Variants in XXYLT1 observed in about 807,000 individuals in gnomAD.
XXYLT1 encodes xyloside xylosyltransferase 1, also known as UDP-xylose:alpha-xyloside alpha-1,3-xylosyltransferase.
A neutral mutation model predicts 28.9 loss-of-function variants in XXYLT1; 20 were observed. That is an observed-to-expected ratio of 0.69 (90% CI 0.49 to 1.00). The LOEUF (loss-of-function observed/expected upper bound fraction) is 1.00. XXYLT1 is among the 50% of genes least tolerant of loss of function. The probability of loss-of-function intolerance (pLI) is 0.00; values close to 1 mark genes in which losing one functional copy is unlikely to be tolerated. For missense variants in XXYLT1, 542 were observed against 560.1 expected, an observed-to-expected ratio of 0.97 and a Z score of 0.33; for synonymous variants, 257 against 253.8, an observed-to-expected ratio of 1.01 and a Z score of -0.12.
At chr3:195,261,348 C>T (rs796975688) in intron 1 of XXYLT1, among the ~76,000 whole-genome samples, 10 of 152,290 alleles carry the variant, frequency 6.6e-5, no homozygotes, top group African/African-American at 2.4e-4. Context: ...GCAGGAGAAT[C>T]GCTTGAACCC....
chr3:195,136,250 G>A (rs62290351), intron 3 of XXYLT1, among the ~76,000 whole-genome samples: 29,027 of 152,068 alleles, frequency 0.19, 3,234 homozygotes, highest in East Asian at 0.41. Flanking sequence ...AAACGCCAAC[G>A]TAGGACCCTC....
At chr3:195,213,221 T>C (rs1175768359) in intron 2 of XXYLT1, among the ~76,000 whole-genome samples, 2 of 151,854 alleles carry the variant, frequency 1.3e-5, no homozygotes, top group Admixed American at 6.6e-5. Flanking sequence ...GCTACACAAG[T>C]GTTATTTATT....
intron 3 of XXYLT1, among the ~76,000 whole-genome samples, chr3:195,139,507 C>T (rs1232923910): frequency 1.3e-5 from 2 of 152,228 alleles, no homozygotes; most frequent in Non-Finnish European, 2.9e-5. Flanking sequence ...CGGACGCTTT[C>T]ACAGTGTGCT....
intron 3 of XXYLT1, chr3:195,094,169 T>G (rs1716283305): frequency 6.6e-6 from 1 of 152,456 alleles, no homozygotes; most frequent in African/African-American, 2.4e-5. Flanking sequence ...AAAGAAACGC[T>G]GGCTGTGGAC....
chr3:195,267,227 A>C (rs936352888), intron 1 of XXYLT1, among the ~76,000 whole-genome samples: 54 of 152,382 alleles, frequency 3.5e-4, no homozygotes, highest in African/African-American at 1.3e-3. Flanking sequence ...TCTTGCAGCC[A>C]TGCTGAGGTC....
chr3:195,270,658 T>C lies in XXYLT1; in HGVS notation c.401A>G (p.His134Arg), dbSNP rs762423601. ...SLLRLAKFEA[H>R]EVLNLHFVSE... ...CACGAAGTGAAGGTTAAGCACCTCGTGCGCCTCGAACTTGGCGAGGCGCAG... is the reference window on the plus strand; with the variant it reads ...CACGAAGTGAAGGTTAAGCACCTCGCGCGCCTCGAACTTGGCGAGGCGCAG... Residue 134 changes from histidine to arginine, a missense_variant, in exon 1 of 4, where the codon CAC (histidine) becomes CGC (arginine). His to Arg is a conservative substitution (Grantham distance 29). Transcript: ENST00000310380. 2 of 1,581,238 alleles carry C rather than the reference T, an allele frequency of 1.3e-6. No homozygotes were observed. Among genetic ancestry groups the C allele is most frequent in the Non-Finnish European group, 1.7e-6 (2 of 1,169,484 alleles).
chr3:195,179,582 G>A (rs1362791143), intron 2 of XXYLT1, among the ~76,000 whole-genome samples: 1 of 152,076 alleles, frequency 6.6e-6, no homozygotes, highest in Middle Eastern at 3.2e-3. Context: ...TGCGTGTGTG[G>A]AGGAGGAATG....
chr3:195,114,956 G>T (rs1717968284), intron 3 of XXYLT1, among the ~76,000 whole-genome samples: 1 of 152,206 alleles, frequency 6.6e-6, no homozygotes, highest in African/African-American at 2.4e-5. Context: ...GTCACTCCTG[G>T]GTGGAGGCTG....
chr3:195,250,890 G>T (rs1446031747), intron 1 of XXYLT1, among the ~76,000 whole-genome samples: 2 of 152,202 alleles, frequency 1.3e-5, no homozygotes, highest in African/African-American at 4.8e-5. Flanking sequence ...TAGATGCCCA[G>T]GCTGAATGAT....
chr3:195,161,962 G>A (rs536037383), intron 2 of XXYLT1, among the ~76,000 whole-genome samples: 3 of 152,008 alleles, frequency 2.0e-5, no homozygotes, highest in Non-Finnish European at 4.4e-5. Flanking sequence ...AGTGGCTGAT[G>A]CCTGTAATCC....
At chr3:195,145,343 T>A (rs1265549612) in intron 3 of XXYLT1, among the ~76,000 whole-genome samples, 1 of 148,996 alleles carries the variant, frequency 6.7e-6, no homozygotes, top group Admixed American at 6.7e-5. Context: ...TGAAGCCACA[T>A]GAACGGGCAC....
chr3:195,182,756 T>C (rs1722014429), intron 2 of XXYLT1, among the ~76,000 whole-genome samples: 2 of 152,154 alleles, frequency 1.3e-5, no homozygotes, highest in African/African-American at 2.4e-5. Flanking sequence ...TTCATCCCTT[T>C]ATGTGAAATC....
At chr3:195,236,832 G>T (rs1021802243) in intron 1 of XXYLT1, among the ~76,000 whole-genome samples, 1 of 152,044 alleles carries the variant, frequency 6.6e-6, no homozygotes, top group South Asian at 2.1e-4. Context: ...CCATTACTGG[G>T]TCCTTCCCTT....
At position 195,271,033 on chromosome 3, in the gene XXYLT1, G is replaced by T; in HGVS notation, c.26C>A (p.Pro9Gln). The T allele has an allele frequency of 6.9e-7, 1 of 1,456,578 alleles. No individual in the cohort carries two copies. The highest frequency in any genetic ancestry group is 1.3e-5 in the South Asian group (1 of 75,786). 90.2% of individuals were successfully genotyped at this position (1,456,578 alleles called of 1,614,324 possible). A position where few individuals can be genotyped will look rare whatever the true frequency, so the allele number is the denominator to read the frequency against. MGLLRGGL[P>Q]CARAMARLGA... ...CAGGCGCGCCATGGCCCGAGCGCAT[G>T]GGAGCCCGCCTCGGAGGAGGCCCAT... is the stretch of plus-strand genomic sequence containing the variant. The change falls in exon 1 of 4, where the codon CCA becomes CAA. Residue 9 changes from proline (P) to glutamine (Q), a missense_variant. Transcript: ENST00000310380.
rs1724714066 is a variant in XXYLT1, at chr3:195,240,126, T to G, written c.505-13270A>C. On this transcript the variant is annotated intron_variant, in intron 1 of 3. Coordinates refer to ENST00000310380, the MANE Select transcript of XXYLT1 (RefSeq NM_152531.5). The surrounding 1 kb of genome is among the most constrained non-coding windows in gnomAD (Gnocchi z 4.7). The stretch of plus-strand genomic sequence containing the variant: ...GCAAAGGTGTCCTCAAACAGTACTT[T>G]GTTGTTCAAACTAAAATATGTAACC... 6.6e-6 allele frequency among the ~76,000 whole-genome samples: 1 copy of G among 152,252 alleles called. No homozygotes were observed. Among genetic ancestry groups the G allele is most frequent in the Admixed American group, 6.5e-5 (1 of 15,288 alleles).
rs117863807 is a variant in XXYLT1, at chr3:195,224,712, G to A, written c.652+1997C>T. 1.7e-3 allele frequency among the ~76,000 whole-genome samples: 256 copies of A among 152,280 alleles called. 5 individuals are homozygous for A. The East Asian group carries it at 0.04, about 24-fold the overall frequency. On this transcript the variant is annotated intron_variant, in intron 2 of 3. Transcript: ENST00000310380. ...GGAGGGAGGTGAAGGGAGGGCAGGC[G>A]TGCCTCCCCCTGGCTCCCTAGAACT... is the stretch of plus-strand genomic sequence containing the variant.
intron 1 of XXYLT1, among the ~76,000 whole-genome samples, chr3:195,245,889 G>A (rs1017507333): frequency 6.6e-6 from 1 of 152,134 alleles, no homozygotes; most frequent in East Asian, 1.9e-4. Context: ...CGCCATGACC[G>A]GAAGCTTCCT....
At chr3:195,259,495 G>A (rs902182792) in intron 1 of XXYLT1, 1 of 825,144 alleles carries the variant, frequency 1.2e-6, no homozygotes, top group Non-Finnish European at 1.5e-6. Context: ...GCAGCAGGGA[G>A]GCCTTCGGGC....
At chr3:195,247,872 G>A (rs756516503) in intron 1 of XXYLT1, 40 of 695,506 alleles carry the variant, frequency 5.8e-5, no homozygotes, top group African/African-American at 8.8e-5. Context: ...AGGGGGAAGC[G>A]CTACACACTT....
Sources: gnomAD v4.1 joint callset for allele counts (sites outside exome capture counted in the v4.1 genomes callset) on GRCh38, gnomAD v4.1.1 for gene constraint, Gnocchi (gnomAD v3.1) non-coding constraint, MANE v1.5 for transcripts, NCBI Gene and HGNC (gene_info 2026-07-23, HGNC 2026-07-21) for gene names.